Variants in UTP6 observed in about 807,000 individuals in gnomAD.
UTP6 encodes the protein U3 small nucleolar RNA-associated protein 6 homolog.
UTP6 carries 60 observed loss-of-function variants against 96.5 expected under a neutral mutation model. That is an observed-to-expected ratio of 0.62 (90% CI 0.51 to 0.77). The LOEUF (loss-of-function observed/expected upper bound fraction) is 0.77. Ranked by LOEUF, UTP6 falls within the 30% of genes least tolerant of loss-of-function variation. UTP6 has a pLI of 0.00. For synonymous variants in UTP6, 215 were observed against 240.1 expected (o/e 0.90, Z 0.96); for missense variants, 637 against 706.5 (o/e 0.90, Z 1.12).
intron 4 of UTP6, 24 bp from the exon 5 acceptor site, chr17:31,892,818 G>C (rs765197479): frequency 5.0e-6 from 8 of 1,613,834 alleles, no homozygotes; most frequent in Non-Finnish European, 5.9e-6. Context: ...AATGTAGTAA[G>C]CTGCCCAAAT....
Position 31,865,249 on chromosome 17 carries a change from G to A in UTP6, c.1636+117C>T, listed in dbSNP as rs1260136806. 5 of 982,840 alleles carry A rather than the reference G, an allele frequency of 5.1e-6. No individual in the cohort carries two copies. The Admixed American group carries it at 6.6e-5, about 13-fold the overall frequency. 60.9% of individuals were successfully genotyped at this position (982,840 alleles called of 1,614,324 possible). On this transcript the variant is annotated intron_variant, in intron 18 of 18. Transcript: ENST00000261708. Reference sequence around the variant, plus strand: ...GCTGGTCTCGAACTCCTGACCTCAGGTGATCCGCCTGCCTTGGCCTCCCAA... The same window carrying A: ...GCTGGTCTCGAACTCCTGACCTCAGATGATCCGCCTGCCTTGGCCTCCCAA...
At chr17:31,878,455 G>T in intron 12 of UTP6, 128 bp from the exon 13 acceptor site, 3 of 946,254 alleles carry the variant, frequency 3.2e-6, no homozygotes, top group South Asian at 3.0e-5. Flanking sequence ...CTGCATGGTG[G>T]TTTCACTTAT....
chr17:31,900,331 G>A (rs1356550346), intron 1 of UTP6, among the ~76,000 whole-genome samples: 4 of 151,764 alleles, frequency 2.6e-5, no homozygotes, highest in South Asian at 2.1e-4. Flanking sequence ...TCGCTCTGTC[G>A]CCCAGGCTGG....
rs370649874 is a variant in UTP6, at chr17:31,880,769, T to C, written c.786-15A>G. 104 of 1,613,486 alleles carry C rather than the reference T, an allele frequency of 6.4e-5. No homozygotes were observed. The African/African-American group carries it at 1.3e-3, about 20-fold the overall frequency. On this transcript the variant is annotated splice_polypyrimidine_tract_variant and intron_variant, in intron 10 of 18. Transcript: ENST00000261708. ...GAGCCTGAAGGCTGAAAAATACAAT[T>C]TACTGTTATCAATCCCACAACAAGA...
chr17:31,893,133 C>G (rs7406043), intron 4 of UTP6, among the ~76,000 whole-genome samples: 20,344 of 152,062 alleles, frequency 0.13, 1,498 homozygotes, highest in Middle Eastern at 0.19. Flanking sequence ...ATTAGCCGGA[C>G]TTGGTGGCAG....
chr17:31,864,725 C>T (rs1909719337), intron 18 of UTP6, among the ~76,000 whole-genome samples: 1 of 151,854 alleles, frequency 6.6e-6, no homozygotes, highest in Non-Finnish European at 1.5e-5. Flanking sequence ...GGGGCCCAAA[C>T]AATCCTCGCA....
chr17:31,871,736 A>C lies in UTP6; in HGVS notation c.1496+1642T>G, dbSNP rs186348910. Reference sequence around the variant, plus strand: ...CAGTGAAACCCCATCTCTACTAAAAATAAAAAATTACCTGGGTGTGGTGGC... The same window carrying C: ...CAGTGAAACCCCATCTCTACTAAAACTAAAAAATTACCTGGGTGTGGTGGC... On this transcript the variant is annotated intron_variant, in intron 16 of 18. Coordinates refer to ENST00000261708, the MANE Select transcript of UTP6 (RefSeq NM_018428.3). Among the ~76,000 whole-genome samples the C allele has an allele frequency of 1.3e-3, 191 of 152,114 alleles. 1 individual carries two copies. The highest frequency in any genetic ancestry group is 4.2e-3 in the African/African-American group (173 of 41,502).
chr17:31,875,612 CAGG>C (rs1910456931), intron 13 of UTP6, among the ~76,000 whole-genome samples, 199 bp from the exon 14 acceptor site: 1 of 152,016 alleles, frequency 6.6e-6, no homozygotes, highest in Non-Finnish European at 1.5e-5. Flanking sequence ...ATCACGAGCT[CAGG>C]AGATCAAGAC....
intron 18 of UTP6, among the ~76,000 whole-genome samples, chr17:31,864,896 T>C (rs969894603): frequency 5.3e-5 from 8 of 152,010 alleles, no homozygotes; most frequent in African/African-American, 1.9e-4. Flanking sequence ...CATGGACCCC[T>C]GAACTTATGA....
At chr17:31,875,133 C>G in intron 14 of UTP6, 101 bp downstream of exon 14, 1 of 1,396,620 alleles carries the variant, frequency 7.2e-7, no homozygotes. Flanking sequence ...AAATGCCACT[C>G]TAGAGTTGGC....
chr17:31,868,326 T>TTG (rs1555572808), intron 16 of UTP6, among the ~76,000 whole-genome samples: 7 of 10,240 alleles, frequency 6.8e-4, no homozygotes, highest in Non-Finnish European at 1.8e-3. Context: ...AGTTTTTTGG[T>TTG]TTTTTTTTTT....
Position 31,894,650 on chromosome 17 carries a change from A to C in UTP6, c.307T>G (p.Trp103Gly), listed in dbSNP as rs778267043. The C allele has an allele frequency of 4.4e-6, 7 of 1,606,554 alleles. No individual in the cohort carries two copies. The highest frequency in any genetic ancestry group is 1.7e-5 in the Admixed American group (1 of 59,268). The change falls in exon 4 of 19, where the codon TGG (tryptophan) becomes GGG (glycine). Residue 103 changes from tryptophan (W) to glycine (G), a missense_variant. Coordinates refer to ENST00000261708, the MANE Select transcript of UTP6 (RefSeq NM_018428.3). ...QGVFQRASAK[W>G]KDDVQLWLSY... is the part of the protein sequence containing the mutation. Reference sequence around the variant, plus strand: ...AGGATGCCTTGATCACTCACTTTCCATTTTGCTGAGGCACGCTGGAAAACA... The same window carrying C: ...AGGATGCCTTGATCACTCACTTTCCCTTTTGCTGAGGCACGCTGGAAAACA...
chr17:31,866,081 A>T (rs960324970), intron 17 of UTP6, among the ~76,000 whole-genome samples: 4 of 151,302 alleles, frequency 2.6e-5, no homozygotes, highest in Admixed American at 6.6e-5. Flanking sequence ...CGGTCAGGAG[A>T]TCGAGACCAT....
intron 10 of UTP6, among the ~76,000 whole-genome samples, chr17:31,881,149 C>T (rs929448125): frequency 4.6e-5 from 7 of 150,646 alleles, no homozygotes; most frequent in East Asian, 3.9e-4. Context: ...CCAGCATGGG[C>T]GACAGAGCGA....
intron 11 of UTP6, chr17:31,880,352 T>G (rs1598105358): frequency 8.5e-6 from 4 of 472,508 alleles, no homozygotes; most frequent in South Asian, 6.8e-5. Flanking sequence ...ACCCGGGAGG[T>G]GGAGGTTGCA....
rs964287957 is a variant in UTP6, at chr17:31,886,140, G to T, written c.622-79C>A. 5.8e-6 allele frequency: 7 copies of T among 1,205,748 alleles called. No homozygotes were observed. The African/African-American group carries it at 9.1e-5, about 16-fold the overall frequency. 74.7% of individuals were successfully genotyped at this position (1,205,748 alleles called of 1,614,324 possible). On this transcript the variant is annotated intron_variant, in intron 8 of 18. Transcript: ENST00000261708. ...ACTAGGACGAAAATTAACAATCCTA[G>T]ACTACCTGTGCCATATGACCACTGG...
intron 16 of UTP6, among the ~76,000 whole-genome samples, chr17:31,872,415 C>T (rs1349417685): frequency 1.3e-5 from 2 of 152,018 alleles, no homozygotes; most frequent in African/African-American, 4.8e-5. Context: ...CACTTATAAT[C>T]CTAGCACTTT....
chr17:31,892,716 G>A, intron 5 of UTP6, 31 bp downstream of exon 5: 3 of 1,613,894 alleles, frequency 1.9e-6, no homozygotes, highest in Non-Finnish European at 2.5e-6. Context: ...AAGACGGTCA[G>A]AGGAAGCAAG....
intron 2 of UTP6, among the ~76,000 whole-genome samples, chr17:31,896,071 G>C (rs903598400): frequency 2.0e-5 from 3 of 149,434 alleles, no homozygotes; most frequent in Non-Finnish European, 3.0e-5. Context: ...CCTACACCTG[G>C]TTTTTTTTTA....
Sources: gnomAD v4.1 joint callset for allele counts (sites outside exome capture counted in the v4.1 genomes callset) on GRCh38, gnomAD v4.1.1 for gene constraint, MANE v1.5 for transcripts, NCBI Gene and HGNC (gene_info 2026-07-23, HGNC 2026-07-21) for gene names.